The following PLAGL2 variants were observed in gnomAD, a reference collection of about 807,000 sequenced individuals.
PLAGL2 encodes the protein PLAG1 like zinc finger 2.
A neutral mutation model predicts 29.0 loss-of-function variants in PLAGL2; 7 were observed. The observed-to-expected ratio is 0.24, with a 90% CI of 0.14 to 0.45. PLAGL2 has a LOEUF of 0.45. Ranked by LOEUF, PLAGL2 falls within the 20% of genes least tolerant of loss-of-function variation. The probability of loss-of-function intolerance (pLI) is 0.99; values close to 1 mark genes in which losing one functional copy is unlikely to be tolerated. For synonymous variants in PLAGL2, 234 were observed against 266.0 expected, an observed-to-expected ratio of 0.88 and a Z score of 1.17; for missense variants, 454 against 648.2, an observed-to-expected ratio of 0.70 and a Z score of 3.25.
chr20:32,203,924 G>A (rs556656488), intron 1 of PLAGL2, among the ~76,000 whole-genome samples: 58 of 152,192 alleles, frequency 3.8e-4, no homozygotes, highest in Non-Finnish European at 7.8e-4. Context: ...ATGCTGGGGA[G>A]GGGTAGGTAG....
chr20:32,205,799 T>C (rs1336246029), intron 1 of PLAGL2, among the ~76,000 whole-genome samples: 1 of 152,222 alleles, frequency 6.6e-6, no homozygotes, highest in Non-Finnish European at 1.5e-5. Context: ...TTTGTCTTTG[T>C]ATTGAGTTGC....
At position 32,196,216 on chromosome 20, in the gene PLAGL2, T is replaced by C. The variant is rs1600372740; in HGVS notation, c.*236A>G. The C allele has an allele frequency of 8.1e-6, 3 of 368,728 alleles. No individual in the cohort carries two copies. In the East Asian group the frequency reaches 1.2e-4, roughly 15 times the overall value. The allele number at this position is 368,728 out of a possible 1,614,324, so 22.8% of individuals were successfully genotyped here. A position where few individuals can be genotyped will look rare whatever the true frequency, so the allele number is the denominator to read the frequency against. ...TTCAGGTCAAAAAAATAAAAGTAAA[T>C]AATACCTGAAGTCCTACGGTATGAG... is the stretch of plus-strand genomic sequence containing the variant. On this transcript the variant is annotated 3_prime_UTR_variant, in exon 3 of 3. Transcript: ENST00000246229.
chr20:32,205,447 C>G (rs1199364971), intron 1 of PLAGL2, among the ~76,000 whole-genome samples: 1 of 152,124 alleles, frequency 6.6e-6, no homozygotes, highest in Non-Finnish European at 1.5e-5. Context: ...CCTATACTCT[C>G]TTGTATTATT....
chr20:32,197,515 C>T lies in PLAGL2; in HGVS notation c.428G>A (p.Arg143Gln), dbSNP rs768724030. 1.9e-5 allele frequency: 30 copies of T among 1,614,020 alleles called. No individual in the cohort carries two copies. Among genetic ancestry groups the T allele is most frequent in the Non-Finnish European group, 2.5e-5 (29 of 1,180,042 alleles). ...GKNYNTKLGYRRHLAMHAASS... is the reference protein window; with the variant it reads ...GKNYNTKLGYQRHLAMHAASS... ...GGCAGCATGCATGGCCAGGTGGCGCCGGTAGCCCAGCTTCGTATTGTAATT... is the reference window on the plus strand; with the variant it reads ...GGCAGCATGCATGGCCAGGTGGCGCTGGTAGCCCAGCTTCGTATTGTAATT... Residue 143 changes from arginine (R) to glutamine (Q), a missense_variant, in exon 3 of 3, where the codon CGG becomes CAG. Coordinates refer to ENST00000246229, the MANE Select transcript of PLAGL2 (RefSeq NM_002657.3). This position sits in a 1 kb window ranked among gnomAD's most constrained non-coding sequence, Gnocchi z 6.6.
In PLAGL2 at chr20:32,196,656, G is replaced by A. The variant is rs2047230016; in HGVS notation, c.1287C>T (p.Asn429=). 1 of 1,537,358 alleles carries A rather than the reference G, an allele frequency of 6.5e-7. No homozygotes were observed. Among genetic ancestry groups the A allele is most frequent in the South Asian group, 1.3e-5 (1 of 77,610 alleles). Residue 429 remains asparagine (N), a synonymous_variant, in exon 3 of 3, where the codon AAC becomes AAT. Transcript: ENST00000246229. ...CCAGGCCTCCTGTGGCCCCAGGTGG[G>A]TTACACGGGGGCAGGTTGAGTGGAA... The part of the protein sequence containing the change: ...GFLPLNLPPC[N]PPGATGGLVM...
chr20:32,203,873 G>C (rs1015000089), intron 1 of PLAGL2, among the ~76,000 whole-genome samples: 1 of 152,070 alleles, frequency 6.6e-6, no homozygotes, highest in African/African-American at 2.4e-5. Context: ...GATTTGTCTA[G>C]AAAGATCTGC....
At position 32,193,427 on chromosome 20, in the gene PLAGL2, G is replaced by C. The variant is rs1394525824; in HGVS notation, c.*3025C>G. ...GGGGGTTGCAGGGAACCTCATTGGC[G>C]CTCCTTTCCCTGCCTCCCACCTCAA... On this transcript the variant is annotated 3_prime_UTR_variant, in exon 3 of 3. Coordinates refer to ENST00000246229, the MANE Select transcript of PLAGL2 (RefSeq NM_002657.3). 2 of 152,156 alleles carry C rather than the reference G, an allele frequency of 1.3e-5. No individual in the cohort carries two copies. Among genetic ancestry groups the C allele is most frequent in the Non-Finnish European group, 2.9e-5 (2 of 68,040 alleles). 9.4% of individuals were successfully genotyped at this position (152,156 alleles called of 1,614,324 possible). A position where few individuals can be genotyped will look rare whatever the true frequency, so the allele number is the denominator to read the frequency against.
intron 1 of PLAGL2, among the ~76,000 whole-genome samples, chr20:32,204,309 A>G (rs539277261): frequency 1.3e-5 from 2 of 152,296 alleles, no homozygotes; most frequent in Non-Finnish European, 2.9e-5. Flanking sequence ...ACACAAACTC[A>G]GAAAGAGAAC....
At chr20:32,203,076 C>T (rs2047267802) in intron 1 of PLAGL2, among the ~76,000 whole-genome samples, 1 of 152,236 alleles carries the variant, frequency 6.6e-6, no homozygotes, top group Non-Finnish European at 1.5e-5. Context: ...TACATATGCA[C>T]ATCTCCTTTA....
chr20:32,198,935 G>A (rs1340026486), intron 2 of PLAGL2, among the ~76,000 whole-genome samples: 2 of 152,104 alleles, frequency 1.3e-5, no homozygotes, highest in East Asian at 1.9e-4. Context: ...ATGTTTTAAT[G>A]GTATGGCACT....
chr20:32,206,632 A>AAC (rs2047289174), intron 1 of PLAGL2, among the ~76,000 whole-genome samples: 1 of 152,180 alleles, frequency 6.6e-6, no homozygotes, highest in South Asian at 2.1e-4. Context: ...CAGGTGGAAA[A>AAC]ACACACAAGC....
At chr20:32,198,034 G>C (rs1475416384) in intron 2 of PLAGL2, among the ~76,000 whole-genome samples, 1 of 152,162 alleles carries the variant, frequency 6.6e-6, no homozygotes, top group Non-Finnish European at 1.5e-5. Context: ...ATGCTCCTAA[G>C]AGACAGGAAG....
At chr20:32,204,524 G>A (rs574901686) in intron 1 of PLAGL2, among the ~76,000 whole-genome samples, 262 of 152,284 alleles carry the variant, frequency 1.7e-3, no homozygotes, top group African/African-American at 6.1e-3. Flanking sequence ...TTTTAATGGG[G>A]CTATGTCTTC....
In PLAGL2 at chr20:32,202,153, G is replaced by T. The variant is rs751678161; in HGVS notation, c.26C>A (p.Pro9His). The T allele has an allele frequency of 6.2e-7, 1 of 1,614,166 alleles. No homozygotes were observed. The highest frequency in any genetic ancestry group is 2.2e-5 in the East Asian group (1 of 44,886). The stretch of plus-strand genomic sequence containing the variant: ...CTGCTTTGCATCTTGAATCCAGGGG[G>T]GGACGCTGGTGAAAAATGTGGTCAT... MTTFFTSV[P>H]PWIQDAKQEE... Residue 9 changes from proline (P) to histidine (H), a missense_variant, in exon 2 of 3, where the codon CCC becomes CAC. Around this residue, in one of 4 missense-constraint regions of PLAGL2, gnomAD observed 89 missense variants for 90.4 expected, o/e 0.98. Transcript: ENST00000246229.
At position 32,197,621 on chromosome 20, in the gene PLAGL2, G is replaced by A; in HGVS notation, c.322C>T (p.His108Tyr). Residue 108 changes from histidine (H) to tyrosine (Y), a missense_variant, in exon 3 of 3, where the codon CAC (histidine) becomes TAC (tyrosine). By Grantham distance (83) the His-to-Tyr change is moderately conservative (BLOSUM62 2). Coordinates refer to ENST00000246229, the MANE Select transcript of PLAGL2 (RefSeq NM_002657.3). The surrounding 1 kb of genome is among the most constrained non-coding windows in gnomAD (Gnocchi z 6.6). ...HQCMYCDKMF[H>Y]RKDHLRNHLQ... ...TGGTTCCGCAGATGGTCCTTGCGGT[G>A]AAACATCTTATCACAGTACATACAC... is the stretch of plus-strand genomic sequence containing the variant. 1.2e-6 allele frequency: 2 copies of A among 1,614,154 alleles called. No individual in the cohort carries two copies. Among genetic ancestry groups the A allele is most frequent in the Non-Finnish European group, 1.7e-6 (2 of 1,180,004 alleles).
chr20:32,203,833 T>C (rs2047272203), intron 1 of PLAGL2, among the ~76,000 whole-genome samples: 1 of 152,156 alleles, frequency 6.6e-6, no homozygotes, highest in Non-Finnish European at 1.5e-5. Context: ...TGCGATGTAA[T>C]ATGATAAACA....
chr20:32,197,432 G>A lies in PLAGL2; in HGVS notation c.511C>T (p.Leu171=), dbSNP rs1266834769. Residue 171 remains leucine, a synonymous_variant, in exon 3 of 3, where the codon CTG becomes TTG. Transcript: ENST00000246229. The surrounding 1 kb of genome is among the most constrained non-coding windows in gnomAD (Gnocchi z 6.6). The stretch of plus-strand genomic sequence containing the variant: ...GAGTGGGCCTTCAGGTGCTCTAGCA[G>A]GGCCTGGGTACTCTCAAAGGTCTGC... ...CLQTFESTQA[L]LEHLKAHSRR... is the part of the protein sequence containing the mutation. The A allele has an allele frequency of 3.1e-6, 5 of 1,612,362 alleles. No individual in the cohort carries two copies. The highest frequency in any genetic ancestry group is 3.3e-5 in the Admixed American group (2 of 60,000).
intron 2 of PLAGL2, among the ~76,000 whole-genome samples, chr20:32,201,455 A>G (rs1335965532): frequency 6.6e-6 from 1 of 152,130 alleles, no homozygotes; most frequent in Non-Finnish European, 1.5e-5. Context: ...GCGGTGGTTC[A>G]AGCCTGTAAT....
chr20:32,195,349 A>T lies in PLAGL2; in HGVS notation c.*1103T>A, dbSNP rs933414836. 6.6e-6 allele frequency: 1 copy of T among 152,640 alleles called. No individual in the cohort carries two copies. The highest frequency in any genetic ancestry group is 1.5e-5 in the Non-Finnish European group (1 of 68,052). 9.5% of individuals were successfully genotyped at this position (152,640 alleles called of 1,614,324 possible). A position where few individuals can be genotyped will look rare whatever the true frequency, so the allele number is the denominator to read the frequency against. ...GCTCAGACTTCCTCCTTTGCTATCC[A>T]CACCAACCCAGACTCTGCTTCCAAG... On this transcript the variant is annotated 3_prime_UTR_variant, in exon 3 of 3. Transcript: ENST00000246229.
Sources: allele counts gnomAD v4.1 joint callset (sites outside exome capture counted in the v4.1 genomes callset), GRCh38; gene constraint gnomAD v4.1.1; regional missense constraint gnomAD v4.1.1; non-coding constraint Gnocchi (gnomAD v3.1); transcripts MANE v1.5; gene names NCBI Gene and HGNC (gene_info 2026-07-23, HGNC 2026-07-21).